The following PAGE5 variants were observed in gnomAD, a reference collection of about 807,000 sequenced individuals.
The protein encoded by PAGE5 is P antigen family member 5.
In PAGE5, 8 loss-of-function variants were observed where a neutral mutation model predicts 8.1. That is an observed-to-expected ratio of 0.98 (90% confidence interval 0.58 to 1.77). The LOEUF (loss-of-function observed/expected upper bound fraction) is 1.77. Among genes scored for constraint, PAGE5 ranks in the 40% most tolerant of loss-of-function variants. PAGE5 has a pLI of 0.00. For missense variants in PAGE5, 64 were observed against 77.6 expected, an observed-to-expected ratio of 0.82 and a Z score of 0.66; for synonymous variants, 30 against 27.0, an observed-to-expected ratio of 1.11 and a Z score of -0.35.
intron 1 of PAGE5, 126 bp downstream of exon 1, chrX:55,220,578 C>T (rs1374576660): frequency 1.7e-6 from 2 of 1,185,576 alleles, no homozygotes; most frequent in Non-Finnish European, 2.3e-6. Flanking sequence ...CGCGGTGGTC[C>T]TCCGCCTTCC....
chrX:55,221,547 A>G (rs1163293439), intron 2 of PAGE5, 84 bp downstream of exon 2: 1 of 1,030,139 alleles, frequency 9.7e-7, no homozygotes, highest in African/African-American at 1.9e-5. Context: ...GCACTGATAC[A>G]GGTGTTCCAT....
chrX:55,221,618 C>G, intron 2 of PAGE5, 149 bp from the exon 3 acceptor site: 5 of 886,855 alleles, frequency 5.6e-6, no homozygotes, highest in Non-Finnish European at 7.8e-6. Flanking sequence ...ATATTATATT[C>G]TGGTGTTGCC....
rs752493003 is a variant in PAGE5, at chrX:55,220,659, G to T, written c.-9+207G>T. On this transcript the variant is annotated intron_variant, in intron 1 of 4. Coordinates refer to ENST00000374955, the MANE Select transcript of PAGE5 (RefSeq NM_001013435.3). ...CTGGAACGAGGGAGGAAGGTAGGCCGTGGAGGGGGTAGATCGCCTGAAGAT... is the reference window on the plus strand; with the variant it reads ...CTGGAACGAGGGAGGAAGGTAGGCCTTGGAGGGGGTAGATCGCCTGAAGAT... 6 of 1,196,213 alleles carry T rather than the reference G, an allele frequency of 5.0e-6. No homozygotes were observed. In the Admixed American group the frequency reaches 1.1e-4, roughly 23 times the overall value.
chrX:55,222,811 C>T (rs1937911487), intron 4 of PAGE5, 65 bp downstream of exon 4: 3 of 1,114,423 alleles, frequency 2.7e-6, no homozygotes, highest in African/African-American at 3.6e-5. Flanking sequence ...TTTTGTGTGA[C>T]ACAGAGGTAA....
chrX:55,220,540 A>C, intron 1 of PAGE5, 88 bp downstream of exon 1: 2 of 1,115,796 alleles, frequency 1.8e-6, no homozygotes, highest in South Asian at 3.9e-5. Context: ...CCCGTGGCAC[A>C]GTCCGTGGCT....
At chrX:55,223,360 A>G (rs1368911298) in intron 4 of PAGE5, among the ~76,000 whole-genome samples, 2 of 112,088 alleles carry the variant, frequency 1.8e-5, no homozygotes. Flanking sequence ...TGTGCTGGTA[A>G]TGTCTTAAAG....
At chrX:55,221,497 C>G in intron 2 of PAGE5, 34 bp downstream of exon 2, 1 of 1,165,475 alleles carries the variant, frequency 8.6e-7, no homozygotes, top group Non-Finnish European at 1.2e-6. Flanking sequence ...TTTCTATTAA[C>G]ACATTTTATT....
chrX:55,222,699 G>T lies in PAGE5; in HGVS notation c.269G>T (p.Arg90Met), dbSNP rs2146552038. ...EDAPGDGPDV[R>M]EGTLPTFDPT... Reference sequence around the variant, plus strand: ...GCACCTGGAGATGGTCCTGATGTCAGGGAGGGGACTCTGCCCACTTTTGAT... The same window carrying T: ...GCACCTGGAGATGGTCCTGATGTCATGGAGGGGACTCTGCCCACTTTTGAT... Residue 90 changes from arginine to methionine, a missense_variant, in exon 4 of 5, where the codon AGG becomes ATG. By Grantham distance (91) the Arg-to-Met change is moderately conservative. Coordinates refer to ENST00000374955, the MANE Select transcript of PAGE5 (RefSeq NM_001013435.3). 8.3e-7 allele frequency: 1 copy of T among 1,210,554 alleles called. No homozygotes were observed. Among genetic ancestry groups the T allele is most frequent in the East Asian group, 3.0e-5 (1 of 33,867 alleles).
chrX:55,222,108 T>C (rs1402865350), intron 3 of PAGE5, among the ~76,000 whole-genome samples: 1 of 112,089 alleles, frequency 8.9e-6, no homozygotes, highest in African/African-American at 3.2e-5. Context: ...CCGTAAACCT[T>C]TGAGTGTTTT....
intron 4 of PAGE5, 62 bp from the exon 5 acceptor site, chrX:55,223,925 C>A: frequency 2.1e-6 from 2 of 942,778 alleles, no homozygotes; most frequent in Non-Finnish European, 2.9e-6. Flanking sequence ...TTGTATACTT[C>A]TAGTGTCATC....
rs1937892678 is a variant in PAGE5, at chrX:55,221,613, A to C, written c.81+150A>C. The C allele has an allele frequency of 3.3e-6, 3 of 903,871 alleles. No homozygotes were observed. In the Admixed American group the frequency reaches 9.9e-5, roughly 30 times the overall value. The allele number at this position is 903,871 out of a possible 1,213,427, so 74.5% of individuals were successfully genotyped here. Reference sequence around the variant, plus strand: ...AAGGCAACTTTGGTTCAGGAATATTATATTCTGGTGTTGCCTTATGGATAT... The same window carrying C: ...AAGGCAACTTTGGTTCAGGAATATTCTATTCTGGTGTTGCCTTATGGATAT... On this transcript the variant is annotated intron_variant, in intron 2 of 4. Coordinates refer to ENST00000374955, the MANE Select transcript of PAGE5 (RefSeq NM_001013435.3).
At chrX:55,222,145 C>T (rs1463528446) in intron 3 of PAGE5, among the ~76,000 whole-genome samples, 2 of 112,049 alleles carry the variant, frequency 1.8e-5, no homozygotes, top group South Asian at 3.7e-4. Flanking sequence ...GTTTGTTCAG[C>T]TATTTTCTGT....
At chrX:55,220,924 C>T (rs190947414) in intron 1 of PAGE5, among the ~76,000 whole-genome samples, 2 of 111,087 alleles carry the variant, frequency 1.8e-5, no homozygotes, top group African/African-American at 3.3e-5. Flanking sequence ...TGTGTCGCAA[C>T]TTCTCATCTC....
At chrX:55,220,498 T>C (rs2146550622) in intron 1 of PAGE5, 46 bp downstream of exon 1, 3 of 766,757 alleles carry the variant, frequency 3.9e-6, no homozygotes, top group Non-Finnish European at 5.9e-6. Context: ...TGTGAGTGAA[T>C]GTGTGGAGGA....
At chrX:55,220,625 G>A (rs769008290) in intron 1 of PAGE5, 173 bp downstream of exon 1, 4 of 1,200,763 alleles carry the variant, frequency 3.3e-6, no homozygotes, top group African/African-American at 1.8e-5. Flanking sequence ...GCCGGTAATC[G>A]TGGCTGGGCT....
rs763010133 is a variant in PAGE5, at chrX:55,221,394, T to A, written c.12T>A (p.His4Gln). MSE[H>Q]VTRSQSSERG... ...TTTCAGTGAGAGATATGAGTGAGCA[T>A]GTAACAAGATCCCAATCCTCAGAAA... Residue 4 changes from histidine (H) to glutamine (Q), a missense_variant, in exon 2 of 5, where the codon CAT (histidine) becomes CAA (glutamine). His to Gln is a conservative substitution (Grantham distance 24, BLOSUM62 0). Coordinates refer to ENST00000374955, the MANE Select transcript of PAGE5 (RefSeq NM_001013435.3). 1 of 1,208,917 alleles carries A rather than the reference T, an allele frequency of 8.3e-7. No individual in the cohort carries two copies. The highest frequency in any genetic ancestry group is 1.8e-5 in the South Asian group (1 of 56,642).
chrX:55,220,781 G>A lies in PAGE5; in HGVS notation c.-9+329G>A, dbSNP rs113307624. 9.6e-4 allele frequency: 657 copies of A among 687,771 alleles called. 5 individuals carry two copies. In the African/African-American group the frequency reaches 0.012, roughly 13 times the overall value. 56.7% of individuals were successfully genotyped at this position (687,771 alleles called of 1,213,427 possible). A position where few individuals can be genotyped will look rare whatever the true frequency, so the allele number is the denominator to read the frequency against. ...GGACAGTTTCTGGACTCTTCGTTAG[G>A]GATGCGAGAAGGGATGGTGTGGGTG... On this transcript the variant is annotated intron_variant, in intron 1 of 4. Coordinates refer to ENST00000374955, the MANE Select transcript of PAGE5 (RefSeq NM_001013435.3).
At position 55,221,415 on chromosome X, in the gene PAGE5, A is replaced by C. The variant is rs1177541355; in HGVS notation, c.33A>C (p.Ser11=). 2.5e-6 allele frequency: 3 copies of C among 1,209,402 alleles called. No individual in the cohort carries two copies. The highest frequency in any genetic ancestry group is 3.4e-6 in the Non-Finnish European group (3 of 894,613). MSEHVTRSQS[S]ERGNDQESSQ... The stretch of plus-strand genomic sequence containing the variant: ...AGCATGTAACAAGATCCCAATCCTC[A>C]GAAAGAGGAAATGACCAAGAGTCTT... Residue 11 remains serine (S), a synonymous_variant, in exon 2 of 5, where the codon TCA becomes TCC. Transcript: ENST00000374955.
At chrX:55,221,679 A>G (rs1569549471) in intron 2 of PAGE5, 88 bp from the exon 3 acceptor site, 1 of 993,054 alleles carries the variant, frequency 1.0e-6, no homozygotes, top group Non-Finnish European at 1.4e-6. Context: ...CTATTGGAAA[A>G]TGTCTTTAGA....
Sources: gnomAD v4.1 joint callset for allele counts (sites outside exome capture counted in the v4.1 genomes callset) on GRCh38, gnomAD v4.1.1 for gene constraint, MANE v1.5 for transcripts, NCBI Gene and HGNC (gene_info 2026-07-23, HGNC 2026-07-21) for gene names.